Variants in C10orf143 observed in about 807,000 individuals in gnomAD.
C10orf143 encodes the protein uncharacterized protein C10orf143.
rs1860915495 is a variant in C10orf143 at position 130,065,442 on chromosome 10, C to T, written c.298-1059G>A. On this transcript the variant is annotated intron_variant, in intron 3 of 3. Coordinates refer to ENST00000637128, the MANE Select transcript of C10orf143 (RefSeq NM_001355042.2). The surrounding 1 kb of genome is among the most constrained non-coding windows in gnomAD (Gnocchi z 4.2). ...GAAGGTATACCTCAAGCAGTAAGCA[C>T]AGTACAAGGTCAGACTGTTCCAGGA... 6.6e-6 allele frequency: 1 copy of T among 152,182 alleles called. No homozygotes were observed. Among genetic ancestry groups the T allele is most frequent in the Non-Finnish European group, 1.5e-5 (1 of 68,162 alleles). 9.4% of individuals were successfully genotyped at this position (152,182 alleles called of 1,614,324 possible).
intron 1 of C10orf143, among the ~76,000 whole-genome samples, chr10:130,099,751 C>T (rs1176422202): frequency 3.3e-5 from 5 of 151,792 alleles, no homozygotes; most frequent in Admixed American, 6.6e-5. Flanking sequence ...TGGTCTTGAA[C>T]TCCTGACCTC....
At position 130,044,945 on chromosome 10, in the gene C10orf143, C is replaced by A. The variant is rs559720270; in HGVS notation, c.298-8975G>T. 3.3e-5 allele frequency among the ~76,000 whole-genome samples: 5 copies of A among 152,282 alleles called. No homozygotes were observed. In the East Asian group the frequency reaches 5.8e-4, roughly 18 times the overall value. ...GGTCCTTACTCAGTGAGGTGAAGAC[C>A]TAGGCTGGAGCTCAGGTCTACCGGC... On this transcript the variant is annotated intron_variant and NMD_transcript_variant, in intron 3 of 5. Transcript: ENST00000643056.
downstream of C10orf143, among the ~76,000 whole-genome samples, chr10:130,062,935 G>A (rs999082603): frequency 6.6e-6 from 1 of 152,114 alleles, no homozygotes; most frequent in Non-Finnish European, 1.5e-5. Flanking sequence ...TGACACTGAG[G>A]AGTCACACTG....
At chr10:130,047,903 T>A (rs994320422) in intron 3 of C10orf143, among the ~76,000 whole-genome samples, 3 of 152,168 alleles carry the variant, frequency 2.0e-5, no homozygotes, top group Non-Finnish European at 4.4e-5. Flanking sequence ...AAAGCACAGA[T>A]GTGCTTCCTT....
intron 1 of C10orf143, among the ~76,000 whole-genome samples, chr10:130,088,532 C>A (rs1371845147): frequency 6.6e-6 from 1 of 152,058 alleles, no homozygotes; most frequent in Non-Finnish European, 1.5e-5. Flanking sequence ...TGACTAATGG[C>A]CCTTATGCCG....
rs150808569 is a variant in C10orf143, at chr10:130,089,323, G to A, written c.70-9422C>T. ...GGAAAGCAGTTATGCACATTTACTT[G>A]CAACAGGCAGAGCCTAATAAATGTC... is the stretch of plus-strand genomic sequence containing the variant. On this transcript the variant is annotated intron_variant, in intron 1 of 3. Coordinates refer to ENST00000637128, the MANE Select transcript of C10orf143 (RefSeq NM_001355042.2). Among the ~76,000 whole-genome samples, 1,485 of 152,336 alleles carry A rather than the reference G, an allele frequency of 9.7e-3. 7 individuals are homozygous for A. Among genetic ancestry groups the A allele is most frequent in the Non-Finnish European group, 0.014 (981 of 68,032 alleles).
At position 130,110,796 on chromosome 10, in the gene C10orf143, C is replaced by G. The variant is rs1457832401; in HGVS notation, c.-24G>C. ...ATGCAGCCCCAGGGTCAAACCCTCC[C>G]GGCATCTCAGGCCTGGCCGAGGCCC... On this transcript the variant is annotated 5_prime_UTR_variant, in exon 1 of 4. Transcript: ENST00000637128. 1 of 398,828 alleles carries G rather than the reference C, an allele frequency of 2.5e-6. No individual in the cohort carries two copies. The highest frequency in any genetic ancestry group is 4.4e-6 in the Non-Finnish European group (1 of 226,176). The allele number at this position is 398,828 out of a possible 1,614,324, so 24.7% of individuals were successfully genotyped here.
chr10:130,057,559 T>C (rs551818969), intron 3 of C10orf143, among the ~76,000 whole-genome samples: 1 of 152,282 alleles, frequency 6.6e-6, no homozygotes, highest in East Asian at 1.9e-4. Context: ...TGCATAAAAA[T>C]CACGAATCCT....
chr10:130,102,499 C>T (rs988190834), intron 1 of C10orf143, among the ~76,000 whole-genome samples: 9 of 152,144 alleles, frequency 5.9e-5, no homozygotes, highest in Non-Finnish European at 1.3e-4. Context: ...GCCTCAAATT[C>T]CTGACCTCAA....
At chr10:130,058,580 ATT>A (rs5789009) in intron 3 of C10orf143, among the ~76,000 whole-genome samples, 87 of 144,114 alleles carry the variant, frequency 6.0e-4, no homozygotes, top group African/African-American at 1.5e-3. Context: ...TTTAAACAGC[ATT>A]TTTTTTTTTT....
Position 130,056,827 on chromosome 10 carries a change from A to G in C10orf143, c.298-20857T>C, listed in dbSNP as rs2388530. On this transcript the variant is annotated intron_variant and NMD_transcript_variant, in intron 3 of 5. Coordinates refer to the C10orf143 transcript ENST00000643056. This position sits in a 1 kb window ranked among gnomAD's most constrained non-coding sequence, Gnocchi z 4.6. ...AAGATGGTCTCGATCTCCTGACCTCATGATCCGCCTGCCTCGGTCTCCCAA... is the reference window on the plus strand; with the variant it reads ...AAGATGGTCTCGATCTCCTGACCTCGTGATCCGCCTGCCTCGGTCTCCCAA... 0.88 allele frequency among the ~76,000 whole-genome samples: 134,323 copies of G among 152,144 alleles called. 59,720 individuals carry two copies. The highest frequency in any genetic ancestry group is 0.93 in the Non-Finnish European group (63,544 of 68,016).
chr10:130,041,502 C>G (rs190527941), intron 3 of C10orf143, among the ~76,000 whole-genome samples: 8 of 152,304 alleles, frequency 5.3e-5, no homozygotes, highest in South Asian at 2.1e-4. Context: ...AACATCCTCA[C>G]CAGCACGATT....
intron 3 of C10orf143, among the ~76,000 whole-genome samples, chr10:130,039,772 C>T (rs537739371): frequency 7.9e-5 from 12 of 152,116 alleles, no homozygotes; most frequent in Non-Finnish European, 1.3e-4. Context: ...AGGCTCCCGA[C>T]GTCTCATGCG....
chr10:130,103,058 A>C (rs1262831312), intron 1 of C10orf143, among the ~76,000 whole-genome samples: 1 of 151,558 alleles, frequency 6.6e-6, no homozygotes, highest in Non-Finnish European at 1.5e-5. Flanking sequence ...GGCTCACTGC[A>C]ACCTCTGCCT....
chr10:130,050,226 C>T (rs923383298), intron 3 of C10orf143, among the ~76,000 whole-genome samples: 2 of 152,248 alleles, frequency 1.3e-5, no homozygotes, highest in South Asian at 2.1e-4. Context: ...TCGCTGGCCC[C>T]GGCCAAGTGC....
At position 130,038,310 on chromosome 10, in the gene C10orf143, T is replaced by C. The variant is rs145586338; in HGVS notation, c.298-2340A>G. Among the ~76,000 whole-genome samples, 169 of 152,252 alleles carry C rather than the reference T, an allele frequency of 1.1e-3. 1 individual carries two copies. The highest frequency in any genetic ancestry group is 4.0e-3 in the African/African-American group (165 of 41,558). On this transcript the variant is annotated intron_variant and NMD_transcript_variant, in intron 3 of 5. Transcript: ENST00000643056. ...CATGAGAAGTGGGTCCTCAGTTGTA[T>C]GTTGTTTACCGGGAGAGAAATGCAG...
chr10:130,093,123 C>T (rs1207577626), intron 1 of C10orf143, among the ~76,000 whole-genome samples: 2 of 152,202 alleles, frequency 1.3e-5, no homozygotes, highest in Admixed American at 1.3e-4. Context: ...ACATTCTTCT[C>T]AGCACCACAT....
intron 3 of C10orf143, chr10:130,067,503 G>A (rs1390874962): frequency 6.6e-6 from 1 of 152,192 alleles, no homozygotes; most frequent in Non-Finnish European, 1.5e-5. Context: ...TTCTCCCCGA[G>A]TACCTGTGTG....
At chr10:130,035,424 G>T (rs1177626707) in intron 4 of C10orf143, among the ~76,000 whole-genome samples, 2 of 152,180 alleles carry the variant, frequency 1.3e-5, no homozygotes, top group African/African-American at 4.8e-5. Context: ...CTGGGGGTTA[G>T]GATATCGATA....
Sources: allele counts gnomAD v4.1 joint callset (sites outside exome capture counted in the v4.1 genomes callset), GRCh38; gene constraint gnomAD v4.1.1; non-coding constraint Gnocchi (gnomAD v3.1); transcripts MANE v1.5; gene names NCBI Gene and HGNC (gene_info 2026-07-23, HGNC 2026-07-21).